The following RBFOX1 variants were observed in gnomAD, a reference collection of about 807,000 sequenced individuals.
The protein encoded by RBFOX1 is RNA binding protein fox-1 homolog 1.
A neutral mutation model predicts 57.7 loss-of-function variants in RBFOX1; 8 were observed. The ratio of observed to expected loss-of-function variants is 0.14; its 90% confidence interval spans 0.08 to 0.25. RBFOX1 has a LOEUF of 0.25. Ranked by LOEUF, RBFOX1 falls within the 10% of genes least tolerant of loss-of-function variation. RBFOX1 has a pLI of 1.00. For synonymous variants in RBFOX1, 326 were observed against 222.4 expected (o/e 1.47, Z -4.15); for missense variants, 611 against 548.5 (o/e 1.11, Z -1.14).
chr16:6,761,471 A>G (rs1046004387), intron 3 of RBFOX1, among the ~76,000 whole-genome samples: 4 of 140,506 alleles, frequency 2.8e-5, no homozygotes, highest in African/African-American at 1.0e-4. Flanking sequence ...CATACACTCC[A>G]GGTAATAGTT....
intron 2 of RBFOX1, among the ~76,000 whole-genome samples, chr16:6,567,629 T>C (rs1333325681): frequency 1.3e-5 from 2 of 152,186 alleles, no homozygotes; most frequent in African/African-American, 4.8e-5. Flanking sequence ...GTCTCTTTCA[T>C]TTCAGCGCCA....
intron 1 of RBFOX1, among the ~76,000 whole-genome samples, chr16:6,152,825 G>A (rs1347022995): frequency 6.6e-6 from 1 of 152,122 alleles, no homozygotes; most frequent in African/African-American, 2.4e-5. Flanking sequence ...CCCTCTTAGA[G>A]ATGAGAGAAA....
At chr16:7,323,534 G>C (rs2096572583) in intron 4 of RBFOX1, among the ~76,000 whole-genome samples, 1 of 152,244 alleles carries the variant, frequency 6.6e-6, no homozygotes, top group African/African-American at 2.4e-5. Context: ...TGAGCACAAG[G>C]GAGTTTTGTA....
intron 3 of RBFOX1, among the ~76,000 whole-genome samples, chr16:6,912,601 T>G (rs34787559): frequency 0.29 from 36,655 of 125,564 alleles, 4,581 homozygotes; most frequent in South Asian, 0.38. Context: ...TGCTTTCTTT[T>G]CTTGTGTGTG....
intron 3 of RBFOX1, among the ~76,000 whole-genome samples, chr16:6,926,446 C>T (rs779329006): frequency 3.3e-4 from 50 of 152,132 alleles, no homozygotes; most frequent in African/African-American, 1.1e-3. Flanking sequence ...GCCTCCTGAT[C>T]GGTGTTCAGA....
intron 2 of RBFOX1, among the ~76,000 whole-genome samples, chr16:6,598,777 C>T (rs1297609455): frequency 6.6e-6 from 1 of 152,076 alleles, no homozygotes; most frequent in Admixed American, 6.6e-5. Context: ...GAAACCCTGT[C>T]TCTACTAAAA....
At chr16:5,416,904 A>G (rs1427352185) in intron 1 of RBFOX1, among the ~76,000 whole-genome samples, 1 of 152,180 alleles carries the variant, frequency 6.6e-6, no homozygotes, top group Admixed American at 6.5e-5. Flanking sequence ...CTGATAGACT[A>G]TCTGCCCTCC....
intron 1 of RBFOX1, among the ~76,000 whole-genome samples, chr16:6,265,862 T>TCTC (rs1415082034): frequency 2.6e-5 from 4 of 152,160 alleles, no homozygotes; most frequent in Admixed American, 6.5e-5. Flanking sequence ...CCTCTCCTCC[T>TCTC]CACTTCTTGT....
chr16:5,815,756 C>T (rs146152448), intron 3 of RBFOX1, among the ~76,000 whole-genome samples: 8 of 152,304 alleles, frequency 5.3e-5, no homozygotes, highest in East Asian at 3.9e-4. Flanking sequence ...AATCACCCCA[C>T]GCTTCCGAAC....
At chr16:5,890,340 G>A (rs996990967) in intron 4 of RBFOX1, among the ~76,000 whole-genome samples, 8 of 152,150 alleles carry the variant, frequency 5.3e-5, no homozygotes, top group Non-Finnish European at 1.2e-4. Context: ...TGAAGCTAGC[G>A]ATAATTTCAC....
At chr16:7,189,196 T>C (rs1211336707) in intron 4 of RBFOX1, among the ~76,000 whole-genome samples, 2 of 151,536 alleles carry the variant, frequency 1.3e-5, no homozygotes, top group Non-Finnish European at 2.9e-5. Flanking sequence ...GAGGCCGACG[T>C]AGGTAGATCA....
intron 1 of RBFOX1, among the ~76,000 whole-genome samples, chr16:5,327,282 T>C (rs1262737824): frequency 6.6e-6 from 1 of 152,178 alleles, no homozygotes; most frequent in African/African-American, 2.4e-5. Flanking sequence ...CCCATGTCCC[T>C]GCCTCTCTAT....
At chr16:6,151,582 G>T (rs2152725317) in intron 1 of RBFOX1, among the ~76,000 whole-genome samples, 1 of 152,256 alleles carries the variant, frequency 6.6e-6, no homozygotes, top group Non-Finnish European at 1.5e-5. Context: ...CACTGCAACT[G>T]GCCTATAATC....
chr16:7,085,748 G>T lies in RBFOX1; in HGVS notation c.27+33650G>T, dbSNP rs150182717. On this transcript the variant is annotated intron_variant, in intron 4 of 15. Transcript: ENST00000550418. ...AAACCATAAGAAAGATGAATTTTCGGTTTTTTCTTCACTGTAATGACAGAG... is the reference window on the plus strand; with the variant it reads ...AAACCATAAGAAAGATGAATTTTCGTTTTTTTCTTCACTGTAATGACAGAG... 4.3e-3 allele frequency among the ~76,000 whole-genome samples: 659 copies of T among 152,256 alleles called. 5 individuals are homozygous for T. Among genetic ancestry groups the T allele is most frequent in the African/African-American group, 0.015 (617 of 41,546 alleles).
chr16:5,885,319 TAAA>T (rs58317550), intron 4 of RBFOX1, among the ~76,000 whole-genome samples: 1 of 125,004 alleles, frequency 8.0e-6, no homozygotes. Context: ...CCTGGAGGCT[TAAA>T]AAAAAAAAAA....
intron 3 of RBFOX1, among the ~76,000 whole-genome samples, chr16:5,738,503 G>C (rs2052659639): frequency 6.6e-6 from 1 of 151,780 alleles, no homozygotes. Flanking sequence ...TCGTGGTGGT[G>C]CACGTCTGTA....
chr16:5,480,445 A>G (rs896553581), intron 2 of RBFOX1, among the ~76,000 whole-genome samples: 7 of 152,224 alleles, frequency 4.6e-5, no homozygotes, highest in Admixed American at 6.5e-5. Context: ...AGTATTAAGA[A>G]GAAAATAAAA....
chr16:5,660,155 G>T (rs1159163634), intron 3 of RBFOX1, among the ~76,000 whole-genome samples: 1 of 152,224 alleles, frequency 6.6e-6, no homozygotes, highest in Non-Finnish European at 1.5e-5. Context: ...GACTCAGGTT[G>T]ACTGGGGGAC....
At chr16:7,502,746 G>A (rs2071388924) in intron 4 of RBFOX1, among the ~76,000 whole-genome samples, 1 of 152,156 alleles carries the variant, frequency 6.6e-6, no homozygotes, top group African/African-American at 2.4e-5. Context: ...TGAATTGGCT[G>A]GGAGTACTGG....
Sources: allele counts gnomAD v4.1 joint callset (sites outside exome capture counted in the v4.1 genomes callset), GRCh38; gene constraint gnomAD v4.1.1; transcripts MANE v1.5; gene names NCBI Gene and HGNC (gene_info 2026-07-23, HGNC 2026-07-21).